TOX3: variants seen among roughly 807,000 people sequenced by gnomAD.
The protein encoded by TOX3 is TOX high mobility group box family member 3, also known as CAG trinucleotide repeat-containing gene F9 protein.
A neutral mutation model predicts 64.3 loss-of-function variants in TOX3; 22 were observed. That is an observed-to-expected ratio of 0.34 (90% CI 0.24 to 0.49). The LOEUF (loss-of-function observed/expected upper bound fraction) is 0.49, where lower values mean the gene tolerates loss of function less well. Ranked by LOEUF, TOX3 falls within the 20% of genes least tolerant of loss-of-function variation. The pLI is 0.99. For synonymous variants in TOX3, 291 were observed against 273.6 expected, an observed-to-expected ratio of 1.06 and a Z score of -0.63; for missense variants, 661 against 714.4, an observed-to-expected ratio of 0.93 and a Z score of 0.85.
chr16:52,539,756 G>T (rs1596871131), intron 1 of TOX3, among the ~76,000 whole-genome samples: 1 of 152,224 alleles, frequency 6.6e-6, no homozygotes, highest in Non-Finnish European at 1.5e-5. Context: ...GCTTGATCTG[G>T]TTATCTTTCC....
At position 52,452,015 on chromosome 16, in the gene TOX3, C is replaced by T. The variant is rs149651783; in HGVS notation, c.409-1469G>A. Among the ~76,000 whole-genome samples, 597 of 152,088 alleles carry T rather than the reference C, an allele frequency of 3.9e-3. 3 individuals carry two copies. Among genetic ancestry groups the T allele is most frequent in the African/African-American group, 0.014 (571 of 41,528 alleles). On this transcript the variant is annotated intron_variant, in intron 3 of 6. Coordinates refer to ENST00000219746, the MANE Select transcript of TOX3 (RefSeq NM_001080430.4). Reference sequence around the variant, plus strand: ...TAACAACGTCCCTCCCCGTACCAGTCATGACAATGAAAAATGTCTCCAGAC... The same window carrying T: ...TAACAACGTCCCTCCCCGTACCAGTTATGACAATGAAAAATGTCTCCAGAC...
chr16:52,524,655 C>T (rs1962684459), intron 1 of TOX3, among the ~76,000 whole-genome samples: 1 of 152,156 alleles, frequency 6.6e-6, no homozygotes, highest in African/African-American at 2.4e-5. Flanking sequence ...CTTCCTCTTC[C>T]CAGTCCATCC....
intron 2 of TOX3, among the ~76,000 whole-genome samples, chr16:52,467,544 T>C (rs896330380): frequency 3.9e-5 from 6 of 152,180 alleles, no homozygotes; most frequent in African/African-American, 1.4e-4. Context: ...TTCTCTGGGG[T>C]CAAGCTAGTT....
At chr16:52,493,740 G>C (rs950113021) in intron 1 of TOX3, among the ~76,000 whole-genome samples, 7 of 152,120 alleles carry the variant, frequency 4.6e-5, no homozygotes, top group Non-Finnish European at 7.4e-5. Context: ...TCCACCTCTT[G>C]AAATCCCACC....
intron 1 of TOX3, among the ~76,000 whole-genome samples, chr16:52,533,594 T>C (rs529127665): frequency 6.6e-6 from 1 of 152,338 alleles, no homozygotes; most frequent in African/African-American, 2.4e-5. Flanking sequence ...TTTGTGTTTA[T>C]TTTTAGGATT....
chr16:52,481,008 G>A (rs1961356001), intron 1 of TOX3, among the ~76,000 whole-genome samples: 1 of 152,002 alleles, frequency 6.6e-6, no homozygotes. Context: ...ACAATTCACG[G>A]GGCGGCCTCC....
chr16:52,481,593 C>A (rs1040822920), intron 1 of TOX3, among the ~76,000 whole-genome samples: 32 of 152,312 alleles, frequency 2.1e-4, no homozygotes, highest in African/African-American at 7.7e-4. Context: ...CTATTAATGT[C>A]TCTTAATTCA....
intron 1 of TOX3, among the ~76,000 whole-genome samples, chr16:52,535,002 A>C (rs1962919540): frequency 6.6e-6 from 1 of 152,220 alleles, no homozygotes; most frequent in Non-Finnish European, 1.5e-5. Flanking sequence ...ATAAAATCCC[A>C]AAACTGAAGA....
chr16:52,529,599 C>T (rs2151483601), intron 1 of TOX3, among the ~76,000 whole-genome samples: 1 of 152,266 alleles, frequency 6.6e-6, no homozygotes, highest in South Asian at 2.1e-4. Context: ...ATGGCCAGCA[C>T]ACAGGAATGC....
intron 2 of TOX3, among the ~76,000 whole-genome samples, chr16:52,466,741 A>G (rs1324730808): frequency 2.0e-5 from 3 of 152,196 alleles, no homozygotes; most frequent in Non-Finnish European, 2.9e-5. Flanking sequence ...AATTAAGCAT[A>G]TTACAATATC....
At chr16:52,494,294 T>A (rs1961779156) in intron 1 of TOX3, among the ~76,000 whole-genome samples, 1 of 152,174 alleles carries the variant, frequency 6.6e-6, no homozygotes, top group South Asian at 2.1e-4. Flanking sequence ...CCAAAGCAGC[T>A]GAGCAGGTGT....
chr16:52,439,975 T>A lies in TOX3; in HGVS notation c.988-7A>T. ...CTGCTGACTCAGCAGCAGCCTGCAT[T>A]TTGGGGGAGAAAATTCCAGACTGTT... On this transcript the variant is annotated splice_region_variant and splice_polypyrimidine_tract_variant and intron_variant, in intron 6 of 6. Transcript: ENST00000219746. 1 of 1,528,206 alleles carries A rather than the reference T, an allele frequency of 6.5e-7. No homozygotes were observed. The highest frequency in any genetic ancestry group is 8.8e-7 in the Non-Finnish European group (1 of 1,139,318). 94.7% of individuals were successfully genotyped at this position (1,528,206 alleles called of 1,614,324 possible). A position where few individuals can be genotyped will look rare whatever the true frequency, so the allele number is the denominator to read the frequency against.
intron 1 of TOX3, among the ~76,000 whole-genome samples, chr16:52,501,299 T>C (rs1401940613): frequency 6.6e-6 from 1 of 152,234 alleles, no homozygotes; most frequent in Non-Finnish European, 1.5e-5. Context: ...TCATAAACTA[T>C]ATACACAGTT....
Position 52,439,841 on chromosome 16 carries a change from G to A in TOX3, c.1115C>T (p.Pro372Leu), listed in dbSNP as rs941506171. 1 of 1,613,724 alleles carries A rather than the reference G, an allele frequency of 6.2e-7. No homozygotes were observed. The highest frequency in any genetic ancestry group is 8.5e-7 in the Non-Finnish European group (1 of 1,179,866). The change falls in exon 7 of 7, where the codon CCT becomes CTT. Residue 372 changes from proline (P) to leucine (L), a missense_variant. This residue lies in a region of TOX3 where 299 missense variants were observed against 292.1 expected (regional missense o/e 1.02). Transcript: ENST00000219746. The stretch of plus-strand genomic sequence containing the variant: ...AGGGAGGGATTGCTGGAGAGTCTGA[G>A]GTGATGCTGACACTGTTCCATGTTG... ...LSQHGTVSAS[P>L]QTLQQSLPRS...
chr16:52,537,864 C>T (rs967477019), intron 1 of TOX3, among the ~76,000 whole-genome samples: 5 of 133,172 alleles, frequency 3.8e-5, no homozygotes, highest in African/African-American at 1.5e-4. Context: ...TTGAGTACAG[C>T]CTGGCTGATA....
At chr16:52,523,913 A>G (rs1962667441) in intron 1 of TOX3, among the ~76,000 whole-genome samples, 1 of 152,236 alleles carries the variant, frequency 6.6e-6, no homozygotes, top group South Asian at 2.1e-4. Flanking sequence ...ATTCATTTAA[A>G]GCATAGCTGC....
At position 52,450,259 on chromosome 16, in the gene TOX3, A is replaced by G; in HGVS notation, c.678+18T>C. The G allele has an allele frequency of 6.2e-7, 1 of 1,613,740 alleles. No individual in the cohort carries two copies. Among genetic ancestry groups the G allele is most frequent in the East Asian group, 2.2e-5 (1 of 44,898 alleles). Reference sequence around the variant, plus strand: ...CATATTCTCTGGCAGGTTACACACTAAGGCAGTTCTAACTTACTCTGTTGG... The same window carrying G: ...CATATTCTCTGGCAGGTTACACACTGAGGCAGTTCTAACTTACTCTGTTGG... On this transcript the variant is annotated intron_variant, in intron 4 of 6. Coordinates refer to ENST00000219746, the MANE Select transcript of TOX3 (RefSeq NM_001080430.4).
At position 52,437,294 on chromosome 16, in the gene TOX3, C is replaced by G. The variant is rs1003831865; in HGVS notation, c.*1931G>C. On this transcript the variant is annotated 3_prime_UTR_variant, in exon 7 of 7. Transcript: ENST00000219746. ...AATATTGAAAGCTGAATTCATTATT[C>G]ATAACCCACAACATACAGTAAATAA... is the stretch of plus-strand genomic sequence containing the variant. The G allele has an allele frequency of 3.3e-5, 5 of 152,172 alleles. No homozygotes were observed. The highest frequency in any genetic ancestry group is 7.3e-5 in the Non-Finnish European group (5 of 68,032). 9.4% of individuals were successfully genotyped at this position (152,172 alleles called of 1,614,324 possible).
At chr16:52,469,466 G>A (rs1960973625) in intron 1 of TOX3, among the ~76,000 whole-genome samples, 1 of 152,104 alleles carries the variant, frequency 6.6e-6, no homozygotes, top group South Asian at 2.1e-4. Flanking sequence ...TAATAATCTA[G>A]AGCTATATTA....
Sources: gnomAD v4.1 joint callset for allele counts (sites outside exome capture counted in the v4.1 genomes callset) on GRCh38, gnomAD v4.1.1 for gene constraint, gnomAD v4.1.1 regional missense constraint, MANE v1.5 for transcripts, NCBI Gene and HGNC (gene_info 2026-07-23, HGNC 2026-07-21) for gene names.